The following PDE1A variants were observed in gnomAD, a reference collection of about 807,000 sequenced individuals.
The protein encoded by PDE1A is phosphodiesterase 1A.
PDE1A carries 35 observed loss-of-function variants against 61.7 expected under a neutral mutation model. That is an observed-to-expected ratio of 0.57 (90% CI 0.43 to 0.75). The LOEUF (loss-of-function observed/expected upper bound fraction) is 0.75. Among genes scored for constraint, PDE1A ranks in the 30% least tolerant of loss-of-function variants. PDE1A has a pLI of 0.00. For synonymous variants in PDE1A, 232 were observed against 213.2 expected, an observed-to-expected ratio of 1.09 and a Z score of -0.77; for missense variants, 597 against 630.6, an observed-to-expected ratio of 0.95 and a Z score of 0.57.
intron 10 of PDE1A, among the ~76,000 whole-genome samples, chr2:182,193,345 G>A (rs1042251042): frequency 1.3e-5 from 2 of 152,000 alleles, no homozygotes; most frequent in Non-Finnish European, 1.5e-5. Context: ...TAGAAATCTT[G>A]AGAAAACTCT....
chr2:182,179,561 G>T (rs1220707387), intron 13 of PDE1A, among the ~76,000 whole-genome samples: 1 of 152,092 alleles, frequency 6.6e-6, no homozygotes, highest in Non-Finnish European at 1.5e-5. Flanking sequence ...ATTAGAGAAG[G>T]CATAGAGAGA....
the PDE1A span, among the ~76,000 whole-genome samples, chr2:182,679,350 ATT>A: frequency 8.4e-6 from 1 of 119,446 alleles, no homozygotes; most frequent in Non-Finnish European, 1.7e-5. Flanking sequence ...TGCTCAGCTA[ATT>A]TTTTTTTTTT....
the PDE1A span, among the ~76,000 whole-genome samples, chr2:182,607,399 TTAAG>T: frequency 6.6e-6 from 1 of 152,176 alleles, no homozygotes; most frequent in Non-Finnish European, 1.5e-5. Flanking sequence ...GAATAGCACT[TTAAG>T]TACACTTAAA....
chr2:182,547,340 C>T, the PDE1A span, among the ~76,000 whole-genome samples: 25 of 152,160 alleles, frequency 1.6e-4, no homozygotes, highest in East Asian at 4.2e-3. Flanking sequence ...AAATCTACCC[C>T]CACAAAAAAG....
the PDE1A span, among the ~76,000 whole-genome samples, chr2:182,636,462 A>G: frequency 6.6e-6 from 1 of 152,174 alleles, no homozygotes; most frequent in Admixed American, 6.5e-5. Context: ...GCTGCTTTCA[A>G]GTGATAAAAT....
chr2:182,557,003 G>C, the PDE1A span, among the ~76,000 whole-genome samples: 1 of 152,200 alleles, frequency 6.6e-6, no homozygotes, highest in Admixed American at 6.5e-5. Flanking sequence ...CCTGGAATTA[G>C]AATAAACAAG....
intron 1 of PDE1A, among the ~76,000 whole-genome samples, chr2:182,386,355 G>T (rs962160256): frequency 1.5e-4 from 23 of 151,516 alleles, no homozygotes; most frequent in Non-Finnish European, 3.1e-4. Flanking sequence ...AGTCTGGGAA[G>T]TGAGGAGCGC....
the PDE1A span, among the ~76,000 whole-genome samples, chr2:182,632,333 T>C: frequency 2.0e-5 from 3 of 152,184 alleles, no homozygotes; most frequent in Non-Finnish European, 4.4e-5. Flanking sequence ...AAACTGATGA[T>C]GTTTTACAAT....
the PDE1A span, among the ~76,000 whole-genome samples, chr2:182,646,877 G>T: frequency 6.6e-6 from 1 of 152,148 alleles, no homozygotes; most frequent in African/African-American, 2.4e-5. Context: ...ATGGTGTCAA[G>T]AAAAAGCAGT....
chr2:182,497,637 G>C (rs2125905098), intron 2 of PDE1A, among the ~76,000 whole-genome samples: 1 of 152,132 alleles, frequency 6.6e-6, no homozygotes, highest in East Asian at 1.9e-4. Context: ...ACACAAAAAG[G>C]CTTAGACATA....
chr2:182,169,965 TAC>T (rs5836829), intron 13 of PDE1A, among the ~76,000 whole-genome samples: 64,848 of 145,538 alleles, frequency 0.45, 14,942 homozygotes, highest in East Asian at 0.64. Flanking sequence ...TTCTCTTTCA[TAC>T]ACACACACAC....
At chr2:182,297,543 C>T (rs987504888) in intron 1 of PDE1A, among the ~76,000 whole-genome samples, 3 of 152,160 alleles carry the variant, frequency 2.0e-5, no homozygotes, top group Non-Finnish European at 4.4e-5. Context: ...CGTAGGATTA[C>T]CAAAAAAGTC....
the PDE1A span, among the ~76,000 whole-genome samples, chr2:182,634,488 A>G: frequency 6.6e-6 from 1 of 152,240 alleles, no homozygotes; most frequent in Non-Finnish European, 1.5e-5. Context: ...GACAGTTGAA[A>G]TAAACCAAGC....
rs77658474 is a variant in PDE1A, at chr2:182,516,071, T to A, written c.101+6205A>T. On this transcript the variant is annotated intron_variant, in intron 2 of 14. Coordinates refer to the PDE1A transcript ENST00000410103. ...ATAGAAGGCATGTATTAGATTTTTA[T>A]TGCTACTGTAACAAATTTACCACAA... is the stretch of plus-strand genomic sequence containing the variant. Among the ~76,000 whole-genome samples the A allele has an allele frequency of 9.7e-3, 1,467 of 151,966 alleles. 20 individuals carry two copies. The highest frequency in any genetic ancestry group is 0.033 in the African/African-American group (1,378 of 41,392).
intron 2 of PDE1A, among the ~76,000 whole-genome samples, chr2:182,496,591 C>T (rs913918329): frequency 1.3e-5 from 2 of 152,202 alleles, no homozygotes; most frequent in Admixed American, 6.5e-5. Context: ...TTAGGTACTG[C>T]CAATTGAAAG....
intron 2 of PDE1A, among the ~76,000 whole-genome samples, chr2:182,251,257 G>C (rs924618333): frequency 6.6e-6 from 1 of 152,104 alleles, no homozygotes; most frequent in Non-Finnish European, 1.5e-5. Context: ...GTGAGACTTA[G>C]TTCCTTTATC....
At chr2:182,247,455 CTAAATTTGAA>C (rs891380057) in intron 2 of PDE1A, among the ~76,000 whole-genome samples, 13 of 152,100 alleles carry the variant, frequency 8.5e-5, no homozygotes, top group Non-Finnish European at 1.8e-4. Context: ...TAGATCAAAC[CTAAATTTGAA>C]TAAATTTTGA....
At chr2:182,609,398 T>C in the PDE1A span, among the ~76,000 whole-genome samples, 6 of 152,260 alleles carry the variant, frequency 3.9e-5, no homozygotes, top group African/African-American at 9.6e-5. Flanking sequence ...TTTTCTGCAT[T>C]GTGGAAGCTT....
At chr2:182,625,665 C>G in the PDE1A span, among the ~76,000 whole-genome samples, 55 of 152,252 alleles carry the variant, frequency 3.6e-4, no homozygotes, top group African/African-American at 1.3e-3. Flanking sequence ...TGGGAATAGA[C>G]TTAGTAACAG....
Sources: allele counts gnomAD v4.1 joint callset (sites outside exome capture counted in the v4.1 genomes callset), GRCh38; gene constraint gnomAD v4.1.1; transcripts MANE v1.5; gene names NCBI Gene and HGNC (gene_info 2026-07-23, HGNC 2026-07-21).